Variants in HS6ST3 observed in about 807,000 individuals in gnomAD.
HS6ST3 encodes the protein heparan sulfate 6-O-sulfotransferase 3.
HS6ST3 carries 12 observed loss-of-function variants against 36.7 expected under a neutral mutation model. That is an observed-to-expected ratio of 0.33 (90% CI 0.21 to 0.53). The LOEUF is 0.53. HS6ST3 is among the 20% of genes least tolerant of loss of function. HS6ST3 has a pLI of 0.95. For synonymous variants in HS6ST3, 240 were observed against 257.5 expected (o/e 0.93, Z 0.65); for missense variants, 584 against 640.9 (o/e 0.91, Z 0.96).
At chr13:96,150,140 A>G (rs2054078115) in intron 1 of HS6ST3, among the ~76,000 whole-genome samples, 1 of 152,140 alleles carries the variant, frequency 6.6e-6, no homozygotes, top group African/African-American at 2.4e-5. Context: ...AGTGAGGCAG[A>G]GAAGAATTTT....
At chr13:96,734,110 T>C (rs1391806760) in intron 1 of HS6ST3, among the ~76,000 whole-genome samples, 1 of 152,204 alleles carries the variant, frequency 6.6e-6, no homozygotes, top group African/African-American at 2.4e-5. Flanking sequence ...TCTTATTTAC[T>C]TATAAGCTGG....
chr13:96,207,541 C>T (rs920422979), intron 1 of HS6ST3, among the ~76,000 whole-genome samples: 2 of 151,954 alleles, frequency 1.3e-5, no homozygotes, highest in Non-Finnish European at 2.9e-5. Flanking sequence ...ATGTTCATTG[C>T]AGCACTATTC....
At chr13:96,152,369 G>T (rs1259262904) in intron 1 of HS6ST3, among the ~76,000 whole-genome samples, 1 of 132,418 alleles carries the variant, frequency 7.6e-6, no homozygotes, top group Non-Finnish European at 1.5e-5. Flanking sequence ...ACGGAGTCTC[G>T]CTCTGTCCCC....
intron 1 of HS6ST3, among the ~76,000 whole-genome samples, chr13:96,748,858 C>T (rs16953552): frequency 0.018 from 2,764 of 152,154 alleles, 72 homozygotes; most frequent in African/African-American, 0.063. Context: ...TGCTCTGTAT[C>T]GGTACAAATT....
Position 96,287,694 on chromosome 13 carries a change from T to C in HS6ST3, c.707+196125T>C, listed in dbSNP as rs756793902. ...TGCTATTAACTTAGTATGTTAGTAA[T>C]TGTCATAAAATGGAAATAGCTAATA... On this transcript the variant is annotated intron_variant, in intron 1 of 1. Transcript: ENST00000376705. 3.9e-5 allele frequency among the ~76,000 whole-genome samples: 6 copies of C among 152,302 alleles called. No homozygotes were observed. In the East Asian group the frequency reaches 9.6e-4, roughly 24 times the overall value.
chr13:96,522,103 T>A (rs2056095869), intron 1 of HS6ST3, among the ~76,000 whole-genome samples: 1 of 152,216 alleles, frequency 6.6e-6, no homozygotes, highest in Non-Finnish European at 1.5e-5. Context: ...TTCATTTTGT[T>A]ATTTACTCAG....
intron 1 of HS6ST3, among the ~76,000 whole-genome samples, chr13:96,452,109 G>A (rs908234261): frequency 6.6e-6 from 1 of 152,152 alleles, no homozygotes; most frequent in Non-Finnish European, 1.5e-5. Flanking sequence ...CATAAAATTT[G>A]CATCTTGTTT....
intron 1 of HS6ST3, among the ~76,000 whole-genome samples, chr13:96,393,898 G>A (rs1353906037): frequency 6.6e-6 from 1 of 152,136 alleles, no homozygotes; most frequent in Non-Finnish European, 1.5e-5. Flanking sequence ...TATTCTTAGT[G>A]GATAAGGCCA....
chr13:96,780,258 T>C (rs1441885123), intron 1 of HS6ST3, among the ~76,000 whole-genome samples: 1 of 152,204 alleles, frequency 6.6e-6, no homozygotes, highest in Non-Finnish European at 1.5e-5. Context: ...GTAAGCACTT[T>C]TGGTGTTATG....
At chr13:96,568,133 G>C (rs1053736360) in intron 1 of HS6ST3, among the ~76,000 whole-genome samples, 3 of 152,166 alleles carry the variant, frequency 2.0e-5, no homozygotes, top group Non-Finnish European at 1.5e-5. Flanking sequence ...AACACAAACT[G>C]CTACCCATAA....
chr13:96,440,352 A>G (rs1335358067), intron 1 of HS6ST3, among the ~76,000 whole-genome samples: 2 of 151,978 alleles, frequency 1.3e-5, no homozygotes, highest in African/African-American at 2.4e-5. Flanking sequence ...TGGCTGAGGC[A>G]TGAGAATCGC....
At chr13:96,516,974 A>G (rs1391719796) in intron 1 of HS6ST3, among the ~76,000 whole-genome samples, 1 of 152,220 alleles carries the variant, frequency 6.6e-6, no homozygotes, top group Admixed American at 6.5e-5. Flanking sequence ...CCAGCGGGAC[A>G]CATGGGCAGG....
chr13:96,817,877 G>T (rs1337338265), intron 1 of HS6ST3, among the ~76,000 whole-genome samples: 1 of 152,134 alleles, frequency 6.6e-6, no homozygotes, highest in East Asian at 1.9e-4. Flanking sequence ...TGTTGCTTAA[G>T]GGATGCGCCC....
chr13:96,511,384 A>C (rs1222265135), intron 1 of HS6ST3, among the ~76,000 whole-genome samples: 1 of 152,054 alleles, frequency 6.6e-6, no homozygotes, highest in Admixed American at 6.6e-5. Context: ...GAGGATTCCC[A>C]TATCCTCATC....
chr13:96,264,480 A>C (rs954984303), intron 1 of HS6ST3, among the ~76,000 whole-genome samples: 1 of 152,206 alleles, frequency 6.6e-6, no homozygotes, highest in Non-Finnish European at 1.5e-5. Context: ...GAGGCAATTC[A>C]CACAGCCCGT....
intron 1 of HS6ST3, among the ~76,000 whole-genome samples, chr13:96,529,377 T>G: frequency 6.6e-6 from 1 of 152,158 alleles, no homozygotes; most frequent in South Asian, 2.1e-4. Flanking sequence ...ATCAGGGTAG[T>G]CATGTTAGAT....
At chr13:96,688,302 G>A (rs1874845775) in intron 1 of HS6ST3, among the ~76,000 whole-genome samples, 1 of 151,902 alleles carries the variant, frequency 6.6e-6, no homozygotes, top group Non-Finnish European at 1.5e-5. Context: ...TCCCTCTGGT[G>A]GTACTAAGCT....
At chr13:96,759,489 A>G (rs1211352150) in intron 1 of HS6ST3, among the ~76,000 whole-genome samples, 1 of 151,882 alleles carries the variant, frequency 6.6e-6, no homozygotes, top group Non-Finnish European at 1.5e-5. Context: ...TATAATATGT[A>G]CAATAAACTT....
chr13:96,403,568 T>A (rs1283635049), intron 1 of HS6ST3, among the ~76,000 whole-genome samples: 1 of 152,228 alleles, frequency 6.6e-6, no homozygotes, highest in Non-Finnish European at 1.5e-5. Context: ...CTTCCTATAC[T>A]TGTTTTAATT....
Sources: allele counts gnomAD v4.1 joint callset (sites outside exome capture counted in the v4.1 genomes callset), GRCh38; gene constraint gnomAD v4.1.1; transcripts MANE v1.5; gene names NCBI Gene and HGNC (gene_info 2026-07-23, HGNC 2026-07-21).